The following PITPNM2 variants were observed in gnomAD, a reference collection of about 807,000 sequenced individuals.
The protein encoded by PITPNM2 is membrane-associated phosphatidylinositol transfer protein 2.
A neutral mutation model predicts 132.2 loss-of-function variants in PITPNM2; 35 were observed. The observed-to-expected ratio is 0.26, with a 90% CI of 0.20 to 0.35. The LOEUF is 0.35. Ranked by LOEUF, PITPNM2 falls within the 10% of genes least tolerant of loss-of-function variation. The pLI is 1.00. For missense variants in PITPNM2, 1,332 were observed against 1,912.0 expected, an observed-to-expected ratio of 0.70 and a Z score of 5.66; for synonymous variants, 738 against 799.2, an observed-to-expected ratio of 0.92 and a Z score of 1.29.
chr12:123,005,310 G>A lies in PITPNM2; in HGVS notation c.882C>T (p.Pro294=), dbSNP rs138923415. The A allele has an allele frequency of 6.2e-7, 1 of 1,613,920 alleles. No individual in the cohort carries two copies. The highest frequency in any genetic ancestry group is 1.3e-5 in the African/African-American group (1 of 74,904). ...PPEPSSSNGE[P]LVGRGLKKQW... ...GTTTCTTGAGGCCGCGCCCCACTAG[G>A]GGCTCCCCATTGCTGCTGCTGGGCT... Residue 294 remains proline, a synonymous_variant, in exon 7 of 26, where the codon CCC becomes CCT. Transcript: ENST00000320201. This position sits in a 1 kb window ranked among gnomAD's most constrained non-coding sequence, Gnocchi z 6.2.
chr12:122,988,047 T>C (rs927425994), intron 20 of PITPNM2, 146 bp from the exon 21 acceptor site: 3 of 935,556 alleles, frequency 3.2e-6, no homozygotes, highest in Non-Finnish European at 5.0e-6. Context: ...CACGATGACG[T>C]GGCTTTGGAG....
intron 18 of PITPNM2, among the ~76,000 whole-genome samples, chr12:122,989,469 C>G (rs1181121770): frequency 1.3e-5 from 2 of 152,180 alleles, no homozygotes; most frequent in Non-Finnish European, 2.9e-5. Context: ...TAAAGTGCCC[C>G]CTGGGCTGTC....
In PITPNM2 at chr12:122,983,912, T is replaced by TA. The variant is rs1032512676; in HGVS notation, c.*2114dup. The TA allele has an allele frequency of 3.3e-5, 5 of 152,680 alleles. No individual in the cohort carries two copies. Among genetic ancestry groups the TA allele is most frequent in the Non-Finnish European group, 7.3e-5 (5 of 68,050 alleles). 9.5% of individuals were successfully genotyped at this position (152,680 alleles called of 1,614,324 possible). A position where few individuals can be genotyped will look rare whatever the true frequency, so the allele number is the denominator to read the frequency against. The stretch of plus-strand genomic sequence containing the variant: ...ACTCTGTAAACATTTTTGGTATTTT[T>TA]AAAGGACGCTGCCCTCCCTCTCTTA... On this transcript the variant is annotated 3_prime_UTR_variant, in exon 26 of 26. Coordinates refer to ENST00000320201, the MANE Select transcript of PITPNM2 (RefSeq NM_020845.3).
At chr12:123,039,216 G>C (rs1016550006) in intron 2 of PITPNM2, among the ~76,000 whole-genome samples, 1 of 151,992 alleles carries the variant, frequency 6.6e-6, no homozygotes, top group Non-Finnish European at 1.5e-5. Context: ...CCATGTTTGC[G>C]CTACTGCACT....
chr12:123,033,266 C>G (rs955261656), intron 3 of PITPNM2, among the ~76,000 whole-genome samples: 1 of 152,176 alleles, frequency 6.6e-6, no homozygotes, highest in African/African-American at 2.4e-5. Context: ...GCCCGAAGAC[C>G]CTCAGCCTGG....
intron 3 of PITPNM2, among the ~76,000 whole-genome samples, chr12:123,029,668 G>A (rs760968468): frequency 5.3e-5 from 8 of 151,220 alleles, no homozygotes; most frequent in Non-Finnish European, 1.0e-4. Context: ...TGTCTGTGGA[G>A]ATGCATGTAC....
In PITPNM2 at chr12:123,082,857, A is replaced by T. The variant is rs2042005885; in HGVS notation, c.-96+27528T>A. 2.0e-5 allele frequency: 3 copies of T among 152,238 alleles called. No homozygotes were observed. The highest frequency in any genetic ancestry group is 1.3e-4 in the Admixed American group (2 of 15,278). The allele number at this position is 152,238 out of a possible 1,614,324, so 9.4% of individuals were successfully genotyped here. On this transcript the variant is annotated intron_variant, in intron 2 of 25. Coordinates refer to ENST00000320201, the MANE Select transcript of PITPNM2 (RefSeq NM_020845.3). The surrounding 1 kb of genome is among the most constrained non-coding windows in gnomAD (Gnocchi z 5.4). ...CTTCCCCAGCTGAACTCTACACATT[A>T]AACAATAACTCCCCATTCCCTCTTC...
At chr12:123,142,132 G>A (rs1175179688) in intron 1 of PITPNM2, among the ~76,000 whole-genome samples, 1 of 152,234 alleles carries the variant, frequency 6.6e-6, no homozygotes, top group Non-Finnish European at 1.5e-5. Flanking sequence ...AACTCACAAT[G>A]CTCTGGTGAG....
chr12:123,032,849 C>T (rs2040141263), intron 3 of PITPNM2, among the ~76,000 whole-genome samples: 1 of 152,210 alleles, frequency 6.6e-6, no homozygotes, highest in African/African-American at 2.4e-5. Flanking sequence ...TTGAGTGGTC[C>T]TTCTGAAGCA....
rs574882777 is a variant in PITPNM2, at chr12:123,116,216, A to T, written c.-199-5728T>A. On this transcript the variant is annotated intron_variant, in intron 1 of 25. Transcript: ENST00000320201. ...GGCTAAGAATTGAAAGCAGGATGCAAACAGGTATTTCTGCACCAATGTTCA... is the reference window on the plus strand; with the variant it reads ...GGCTAAGAATTGAAAGCAGGATGCATACAGGTATTTCTGCACCAATGTTCA... Among the ~76,000 whole-genome samples, 3 of 152,328 alleles carry T rather than the reference A, an allele frequency of 2.0e-5. No individual in the cohort carries two copies. The South Asian group carries it at 6.2e-4, about 32-fold the overall frequency.
Position 123,005,447 on chromosome 12 carries a change from C to T in PITPNM2, c.745G>A (p.Ala249Thr). The T allele has an allele frequency of 6.2e-7, 1 of 1,614,108 alleles. No individual in the cohort carries two copies. Among genetic ancestry groups the T allele is most frequent in the Non-Finnish European group, 8.5e-7 (1 of 1,180,014 alleles). Residue 249 changes from alanine to threonine, a missense_variant, in exon 7 of 26, where the codon GCA becomes ACA. This residue lies in a region of PITPNM2 where 122 missense variants were observed against 209.6 expected (regional missense o/e 0.58). Coordinates refer to ENST00000320201, the MANE Select transcript of PITPNM2 (RefSeq NM_020845.3). The surrounding 1 kb of genome is among the most constrained non-coding windows in gnomAD (Gnocchi z 6.2). Reference sequence around the variant, plus strand: ...ATCTTACGGGAAAGCATGAGCTGTGCCTCCTTCTCCAGCTCCCGGATGTTC... The same window carrying T: ...ATCTTACGGGAAAGCATGAGCTGTGTCTCCTTCTCCAGCTCCCGGATGTTC... The part of the protein sequence containing the change: ...MENIRELEKE[A>T]QLMLSRKMAQ...
In PITPNM2 at chr12:123,150,918, C is replaced by T. The variant is rs1360387498; in HGVS notation, c.-365G>A. On this transcript the variant is annotated 5_prime_UTR_variant, in exon 1 of 26. Transcript: ENST00000320201. This position sits in a 1 kb window ranked among gnomAD's most constrained non-coding sequence, Gnocchi z 6.0. Reference sequence around the variant, plus strand: ...CCCCGGGCGAGCGGCAGAGCCCCGGCGGGCATTGCTCCCGAGCGTCGCAGG... The same window carrying T: ...CCCCGGGCGAGCGGCAGAGCCCCGGTGGGCATTGCTCCCGAGCGTCGCAGG... Among the ~76,000 whole-genome samples, 1 of 145,782 alleles carries T rather than the reference C, an allele frequency of 6.9e-6. No homozygotes were observed. Among genetic ancestry groups the T allele is most frequent in the Non-Finnish European group, 1.5e-5 (1 of 65,660 alleles).
chr12:122,997,086 C>T (rs2038461974), intron 11 of PITPNM2, among the ~76,000 whole-genome samples, 176 bp from the exon 12 acceptor site: 1 of 152,214 alleles, frequency 6.6e-6, no homozygotes, highest in Non-Finnish European at 1.5e-5. Context: ...GTCTCAGAGG[C>T]AGGCCAATAT....
At chr12:123,104,722 C>T (rs865997824) in intron 2 of PITPNM2, among the ~76,000 whole-genome samples, 3 of 152,072 alleles carry the variant, frequency 2.0e-5, no homozygotes, top group African/African-American at 4.8e-5. Flanking sequence ...TGATTCAGCC[C>T]GCCTGCACCC....
chr12:123,076,973 G>T (rs1335275975), intron 2 of PITPNM2, among the ~76,000 whole-genome samples: 1 of 152,168 alleles, frequency 6.6e-6, no homozygotes, highest in Non-Finnish European at 1.5e-5. Context: ...GCCGGGCATG[G>T]GTCGGAGTGT....
intron 18 of PITPNM2, 72 bp downstream of exon 18, chr12:122,989,715 G>T: frequency 7.7e-7 from 1 of 1,303,224 alleles, no homozygotes; most frequent in South Asian, 2.6e-5. Flanking sequence ...GTCTAGGTGG[G>T]CAGAGCCTGG....
intron 2 of PITPNM2, among the ~76,000 whole-genome samples, chr12:123,109,771 T>C (rs2042797942): frequency 6.6e-6 from 1 of 152,170 alleles, no homozygotes; most frequent in Non-Finnish European, 1.5e-5. Context: ...TCTGGGGTGC[T>C]CTATAAACAG....
chr12:122,989,053 C>T lies in PITPNM2; in HGVS notation c.2732-181G>A, dbSNP rs574335535. The stretch of plus-strand genomic sequence containing the variant: ...GCGGGAGGGAGCGCAGGCAAAAGCA[C>T]GCAGACCCAGGACAGTGGTGAGTGC... On this transcript the variant is annotated intron_variant, in intron 18 of 25. Transcript: ENST00000320201. Among the ~76,000 whole-genome samples the T allele has an allele frequency of 4.6e-5, 7 of 152,336 alleles. No individual in the cohort carries two copies. In the South Asian group the frequency reaches 1.2e-3, roughly 27 times the overall value.
chr12:122,991,836 G>A (rs372485571), intron 16 of PITPNM2: 55 of 1,305,100 alleles, frequency 4.2e-5, no homozygotes, highest in African/African-American at 9.0e-5. Flanking sequence ...CCGTCCCCGT[G>A]GGGGAGAGGG....
Sources: gnomAD v4.1 joint callset for allele counts (sites outside exome capture counted in the v4.1 genomes callset) on GRCh38, gnomAD v4.1.1 for gene constraint, gnomAD v4.1.1 regional missense constraint, Gnocchi (gnomAD v3.1) non-coding constraint, MANE v1.5 for transcripts, NCBI Gene and HGNC (gene_info 2026-07-23, HGNC 2026-07-21) for gene names.